The following LRRC72 variants were observed in gnomAD, a reference collection of about 807,000 sequenced individuals.
LRRC72 encodes the protein leucine rich repeat containing 72.
LRRC72 carries 41 observed loss-of-function variants against 35.8 expected under a neutral mutation model. The observed-to-expected ratio is 1.15, with a 90% confidence interval of 0.89 to 1.49. The LOEUF (loss-of-function observed/expected upper bound fraction) is 1.49, where lower values mean the gene tolerates loss of function less well. LRRC72 is among the 40% of genes most tolerant of loss of function. The pLI is 0.00. For missense variants in LRRC72, 389 were observed against 330.7 expected (o/e 1.18, Z -1.37); for synonymous variants, 118 against 119.2 (o/e 0.99, Z 0.07).
At chr7:16,551,011 C>G (rs1401750150) in intron 3 of LRRC72, among the ~76,000 whole-genome samples, 5 of 152,162 alleles carry the variant, frequency 3.3e-5, no homozygotes, top group Non-Finnish European at 1.5e-5. Flanking sequence ...TTCATATGCT[C>G]AAGCCCTAAT....
At position 16,558,974 on chromosome 7, in the gene LRRC72, G is replaced by C. The variant is rs1476224123; in HGVS notation, c.402G>C (p.Lys134Asn). Residue 134 changes from lysine (K) to asparagine (N), a missense_variant, in exon 5 of 9, where the codon AAG becomes AAC. Coordinates refer to ENST00000401542, the MANE Select transcript of LRRC72 (RefSeq NM_001195280.2). Reference sequence around the variant, plus strand: ...TTGATGCAACAGTGAAGGAATTAAAGGGAATGCTAAATCTGAAGATCCTAA... The same window carrying C: ...TTGATGCAACAGTGAAGGAATTAAACGGAATGCTAAATCTGAAGATCCTAA... ...TNIDATVKEL[K>N]GMLNLKILSL... 6.5e-7 allele frequency: 1 copy of C among 1,535,984 alleles called. No individual in the cohort carries two copies. The highest frequency in any genetic ancestry group is 1.2e-5 in the South Asian group (1 of 82,252).
intron 7 of LRRC72, among the ~76,000 whole-genome samples, chr7:16,577,955 A>G (rs2128339450): frequency 6.6e-6 from 1 of 152,364 alleles, no homozygotes; most frequent in East Asian, 1.9e-4. Flanking sequence ...TTGGATGACC[A>G]TATGGCAGTA....
chr7:16,575,222 C>T lies in LRRC72; in HGVS notation c.671-4852C>T, dbSNP rs527657987. ...TCCTGAGGGCTGTGTGATAGGCCATCGGTCACTCATATTTGGCTCAGAATA... is the reference window on the plus strand; with the variant it reads ...TCCTGAGGGCTGTGTGATAGGCCATTGGTCACTCATATTTGGCTCAGAATA... On this transcript the variant is annotated intron_variant, in intron 7 of 8. Coordinates refer to ENST00000401542, the MANE Select transcript of LRRC72 (RefSeq NM_001195280.2). Among the ~76,000 whole-genome samples the T allele has an allele frequency of 1.4e-3, 207 of 152,276 alleles. 1 individual carries two copies. Among genetic ancestry groups the T allele is most frequent in the Admixed American group, 3.4e-3 (52 of 15,298 alleles).
chr7:16,535,643 C>G (rs1486923010), intron 2 of LRRC72, among the ~76,000 whole-genome samples: 1 of 152,148 alleles, frequency 6.6e-6, no homozygotes, highest in Non-Finnish European at 1.5e-5. Flanking sequence ...GTGGCAAGAA[C>G]TGGCAGATAC....
chr7:16,529,657 G>A (rs1782129784), intron 1 of LRRC72, among the ~76,000 whole-genome samples: 2 of 149,806 alleles, frequency 1.3e-5, no homozygotes, highest in Admixed American at 6.7e-5. Flanking sequence ...TTAATATTTT[G>A]TACTGGATTC....
intron 3 of LRRC72, among the ~76,000 whole-genome samples, chr7:16,545,151 C>T (rs566607649): frequency 2.0e-5 from 3 of 152,158 alleles, no homozygotes; most frequent in Non-Finnish European, 4.4e-5. Context: ...ACGTTCTGCA[C>T]ACGTATCCCA....
intron 7 of LRRC72, among the ~76,000 whole-genome samples, chr7:16,578,539 A>G (rs1783084485): frequency 6.6e-6 from 1 of 152,218 alleles, no homozygotes. Flanking sequence ...CATTGAAAAA[A>G]TAGTATACTA....
intron 3 of LRRC72, among the ~76,000 whole-genome samples, chr7:16,547,465 G>T (rs1486766973): frequency 6.6e-6 from 1 of 152,170 alleles, no homozygotes; most frequent in Non-Finnish European, 1.5e-5. Context: ...GCAGGCAGGA[G>T]CCCCATCCTC....
chr7:16,581,397 A>T lies in LRRC72; in HGVS notation c.772A>T (p.Met258Leu), dbSNP rs756536023. The T allele has an allele frequency of 1.7e-5, 26 of 1,550,134 alleles. 2 individuals carry two copies. In the South Asian group the frequency reaches 3.1e-4, roughly 18 times the overall value. Residue 258 changes from methionine (M) to leucine (L), a missense_variant, in exon 9 of 9, where the codon ATG becomes TTG. Transcript: ENST00000401542. ...GAGATCAGTGATGACTTTGACCTCT[A>T]TGAACTGGGACACAGTTCCAACACG... ...MKRSVMTLTS[M>L]NWDTVPTREE...
chr7:16,561,232 T>C (rs1583647555), intron 5 of LRRC72, among the ~76,000 whole-genome samples: 1 of 152,354 alleles, frequency 6.6e-6, no homozygotes, highest in Non-Finnish European at 1.5e-5. Flanking sequence ...ACACTCAGCC[T>C]AAATATTTCT....
At chr7:16,538,880 G>A (rs1782308950) in intron 3 of LRRC72, among the ~76,000 whole-genome samples, 1 of 152,142 alleles carries the variant, frequency 6.6e-6, no homozygotes, top group South Asian at 2.1e-4. Flanking sequence ...GTTTCCTGAG[G>A]CCTCCCCAGC....
At position 16,548,798 on chromosome 7, in the gene LRRC72, C is replaced by T. The variant is rs866768891; in HGVS notation, c.235-8562C>T. 2.9e-4 allele frequency among the ~76,000 whole-genome samples: 44 copies of T among 152,330 alleles called. 1 individual carries two copies. Among genetic ancestry groups the T allele is most frequent in the Non-Finnish European group, 2.9e-4 (20 of 68,036 alleles). On this transcript the variant is annotated intron_variant, in intron 3 of 8. Transcript: ENST00000401542. ...AAAACTCAGGCAAAGGTGCCACTGG[C>T]CACAGAGGTTTCCAGCTGGTGAAGC...
At chr7:16,579,034 A>G (rs1783094526) in intron 7 of LRRC72, among the ~76,000 whole-genome samples, 2 of 152,222 alleles carry the variant, frequency 1.3e-5, no homozygotes, top group Non-Finnish European at 2.9e-5. Flanking sequence ...AATAAATTCT[A>G]AAGATCTTAT....
chr7:16,537,722 T>A (rs1398126389), intron 3 of LRRC72, 26 bp downstream of exon 3: 1 of 1,230,452 alleles, frequency 8.1e-7, no homozygotes, highest in Non-Finnish European at 1.1e-6. Flanking sequence ...ATCTTTCAAT[T>A]ACTAAAATTA....
At chr7:16,534,409 A>G (rs1782218101) in intron 2 of LRRC72, among the ~76,000 whole-genome samples, 1 of 152,346 alleles carries the variant, frequency 6.6e-6, no homozygotes, top group African/African-American at 2.4e-5. Flanking sequence ...GTGAATTTAT[A>G]TGATATCAGA....
intron 3 of LRRC72, among the ~76,000 whole-genome samples, chr7:16,538,991 G>T (rs1175464018): frequency 6.6e-6 from 1 of 152,166 alleles, no homozygotes; most frequent in Admixed American, 6.5e-5. Flanking sequence ...ACAGAGAATT[G>T]GCACTGGCAG....
intron 7 of LRRC72, among the ~76,000 whole-genome samples, chr7:16,574,824 T>C (rs1783009593): frequency 6.6e-6 from 1 of 151,730 alleles, no homozygotes; most frequent in Non-Finnish European, 1.5e-5. Context: ...TATTTTATAC[T>C]TGTCTAACTC....
chr7:16,557,104 A>G (rs921608683), intron 3 of LRRC72, among the ~76,000 whole-genome samples: 5 of 152,220 alleles, frequency 3.3e-5, no homozygotes, highest in Non-Finnish European at 7.3e-5. Flanking sequence ...AAAGCCTAGC[A>G]AGCAAGTTTG....
intron 3 of LRRC72, among the ~76,000 whole-genome samples, chr7:16,540,350 T>C (rs1782335940): frequency 6.6e-6 from 1 of 152,226 alleles, no homozygotes; most frequent in Non-Finnish European, 1.5e-5. Context: ...ATTTACCCAA[T>C]GCCTGTACCT....
Sources: gnomAD v4.1 joint callset for allele counts (sites outside exome capture counted in the v4.1 genomes callset) on GRCh38, gnomAD v4.1.1 for gene constraint, MANE v1.5 for transcripts, NCBI Gene and HGNC (gene_info 2026-07-23, HGNC 2026-07-21) for gene names.